The following UGT2B7 variants were observed in gnomAD, a reference collection of about 807,000 sequenced individuals.
UGT2B7 encodes the protein UDP-glucuronosyltransferase 2B7.
Under a neutral mutation model 51.9 loss-of-function variants are expected in UGT2B7, and 51 were observed. That is an observed-to-expected ratio of 0.98 (90% CI 0.78 to 1.24). UGT2B7 has a LOEUF of 1.24. Among genes scored for constraint, UGT2B7 ranks in the 50% most tolerant of loss-of-function variants. The pLI, the probability that UGT2B7 is intolerant of heterozygous loss-of-function variation, is 0.00. For synonymous variants in UGT2B7, 225 were observed against 211.6 expected (o/e 1.06, Z -0.55); for missense variants, 727 against 628.4 (o/e 1.16, Z -1.68).
At chr4:69,081,769 G>A (rs1718843949) in intron 1 of UGT2B7, among the ~76,000 whole-genome samples, 1 of 151,860 alleles carries the variant, frequency 6.6e-6, no homozygotes, top group Non-Finnish European at 1.5e-5. Context: ...GTTTTCTCTG[G>A]GCTTCTGATC....
intron 5 of UGT2B7, 104 bp from the exon 6 acceptor site, chr4:69,112,353 G>A (rs1470422677): frequency 7.6e-6 from 11 of 1,447,936 alleles, no homozygotes; most frequent in Admixed American, 2.5e-5. Context: ...GAGTCTTGCC[G>A]ATGCTCCCAG....
upstream of UGT2B7, among the ~76,000 whole-genome samples, chr4:69,095,331 A>T (rs1174207467): frequency 6.6e-6 from 1 of 152,190 alleles, no homozygotes; most frequent in African/African-American, 2.4e-5. Flanking sequence ...GGGTAAAGTC[A>T]TCAGAACAAG....
chr4:69,108,025 C>T, intron 4 of UGT2B7, 78 bp from the exon 5 acceptor site: 2 of 1,530,894 alleles, frequency 1.3e-6, no homozygotes, highest in Non-Finnish European at 1.8e-6. Context: ...CTGGAAAACA[C>T]TGTCACTTTC....
At chr4:69,056,299 G>A (rs762452947) in intron 1 of UGT2B7, among the ~76,000 whole-genome samples, 27 of 152,208 alleles carry the variant, frequency 1.8e-4, no homozygotes, top group Non-Finnish European at 2.9e-4. Context: ...ATGCTCAACC[G>A]AATCATACGG....
chr4:69,061,562 C>T (rs1296493755), intron 1 of UGT2B7, among the ~76,000 whole-genome samples: 7 of 152,140 alleles, frequency 4.6e-5, no homozygotes, highest in Admixed American at 2.0e-4. Context: ...ATGGGAATTA[C>T]GTTGAAGGAA....
intron 1 of UGT2B7, chr4:69,067,532 G>C (rs1449356943): frequency 1.3e-5 from 2 of 155,588 alleles, no homozygotes; most frequent in Non-Finnish European, 2.9e-5. Context: ...CTCACATGAA[G>C]GCTAAGGGGG....
rs748528938 is a variant in UGT2B7 at position 69,102,770 on chromosome 4, A to G, written c.871-37A>G. 10 of 1,606,494 alleles carry G rather than the reference A, an allele frequency of 6.2e-6. No homozygotes were observed. The South Asian group carries it at 8.9e-5, about 14-fold the overall frequency. ...TCTTTTGGTAGTGCCCGCTGTGCTA[A>G]TACTCTTTTGTGATGAAGCAAATTC... On this transcript the variant is annotated intron_variant, in intron 2 of 5. Transcript: ENST00000305231.
At chr4:69,052,005 C>G (rs1422376279) in intron 1 of UGT2B7, among the ~76,000 whole-genome samples, 2 of 151,952 alleles carry the variant, frequency 1.3e-5, no homozygotes, top group Non-Finnish European at 1.5e-5. Context: ...AAACATGGAT[C>G]AGGTGCAAAG....
chr4:69,099,762 CTACTAAT>C (rs1426825224), intron 2 of UGT2B7, among the ~76,000 whole-genome samples: 16 of 151,948 alleles, frequency 1.1e-4, no homozygotes, highest in African/African-American at 3.9e-4. Context: ...ATTACTAATA[CTACTAAT>C]TACTTAACAT....
chr4:69,097,245 A>C lies in UGT2B7; in HGVS notation c.721+4A>C. ...CAGTTTTATAGTGAAGTTCTAGGTA[A>C]GTATTTTTTTCAATCAGTAACATGA... On this transcript the variant is annotated splice_donor_region_variant and intron_variant, in intron 1 of 5. Coordinates refer to ENST00000305231, the MANE Select transcript of UGT2B7 (RefSeq NM_001074.4). 1 of 1,599,594 alleles carries C rather than the reference A, an allele frequency of 6.3e-7. No homozygotes were observed. The highest frequency in any genetic ancestry group is 8.5e-7 in the Non-Finnish European group (1 of 1,176,146).
intron 1 of UGT2B7, among the ~76,000 whole-genome samples, chr4:69,058,680 G>T (rs954883091): frequency 4.6e-5 from 7 of 152,002 alleles, no homozygotes; most frequent in Admixed American, 1.3e-4. Context: ...GGCAAAAATT[G>T]CAGAAAATGG....
chr4:69,107,483 A>G (rs1577927248), intron 4 of UGT2B7, among the ~76,000 whole-genome samples: 1 of 152,104 alleles, frequency 6.6e-6, no homozygotes, highest in African/African-American at 2.4e-5. Flanking sequence ...GGGAATCTTT[A>G]TTTCAGGTGT....
chr4:69,090,226 G>A (rs7676472), intron 2 of UGT2B7, among the ~76,000 whole-genome samples: 87,736 of 152,012 alleles, frequency 0.58, 26,328 homozygotes, highest in African/African-American at 0.71. Context: ...GCACTATCCA[G>A]TGACTTTTTA....
intron 1 of UGT2B7, among the ~76,000 whole-genome samples, chr4:69,063,776 G>A (rs1185477393): frequency 6.6e-6 from 1 of 151,986 alleles, no homozygotes; most frequent in East Asian, 1.9e-4. Context: ...AACAGTAGGG[G>A]TAGTGTTGGC....
At chr4:69,056,672 TC>T (rs1240612859) in intron 1 of UGT2B7, among the ~76,000 whole-genome samples, 3 of 151,910 alleles carry the variant, frequency 2.0e-5, no homozygotes, top group Non-Finnish European at 2.9e-5. Flanking sequence ...TACTTACCGC[TC>T]CTTTGTTTCC....
Position 69,070,771 on chromosome 4 carries a change from A to G in UGT2B7, c.-158-18701A>G, listed in dbSNP as rs114850176. Among the ~76,000 whole-genome samples, 1,158 of 152,218 alleles carry G rather than the reference A, an allele frequency of 7.6e-3. 7 individuals are homozygous for G. Among genetic ancestry groups the G allele is most frequent in the Non-Finnish European group, 0.012 (847 of 67,980 alleles). ...ACATTTTATTGAGCAAAGCCTCAGC[A>G]TGAAGGCTAGGGTCACCTTCTAGGA... On this transcript the variant is annotated intron_variant, in intron 1 of 5. Coordinates refer to the UGT2B7 transcript ENST00000502942.
At chr4:69,072,858 T>G (rs1285867171) in intron 1 of UGT2B7, among the ~76,000 whole-genome samples, 1 of 152,162 alleles carries the variant, frequency 6.6e-6, no homozygotes, top group East Asian at 1.9e-4. Flanking sequence ...AAGCATAAAA[T>G]TTCAATTTTT....
upstream of UGT2B7, among the ~76,000 whole-genome samples, chr4:69,094,129 CTTTTTTTTTTTTT>C (rs71204074): frequency 5.5e-5 from 3 of 54,116 alleles, no homozygotes; most frequent in Non-Finnish European, 9.3e-5. Context: ...GTTTTGGTTT[CTTTTTTTTTTTTT>C]TTTTTTTTTT....
intron 2 of UGT2B7, among the ~76,000 whole-genome samples, chr4:69,101,631 A>C (rs34561399): frequency 0.15 from 18,765 of 127,028 alleles, 1,715 homozygotes; most frequent in Admixed American, 0.3. Flanking sequence ...TCATGTTAAG[A>C]TTAAAAATCA....
Sources: gnomAD v4.1 joint callset for allele counts (sites outside exome capture counted in the v4.1 genomes callset) on GRCh38, gnomAD v4.1.1 for gene constraint, MANE v1.5 for transcripts, NCBI Gene and HGNC (gene_info 2026-07-23, HGNC 2026-07-21) for gene names.